Variants in CDAN1 observed in about 807,000 individuals in gnomAD.
The protein encoded by CDAN1 is codanin-1.
A neutral mutation model predicts 139.8 loss-of-function variants in CDAN1; 107 were observed. That is an observed-to-expected ratio of 0.77 (90% confidence interval 0.65 to 0.90). The LOEUF (loss-of-function observed/expected upper bound fraction) is 0.90. Ranked by LOEUF, CDAN1 falls within the 40% of genes least tolerant of loss-of-function variation. The probability of loss-of-function intolerance (pLI) is 0.00; values close to 1 mark genes in which losing one functional copy is unlikely to be tolerated. For missense variants in CDAN1, 1,667 were observed against 1,575.7 expected (o/e 1.06, Z -0.98); for synonymous variants, 776 against 660.6 (o/e 1.17, Z -2.68).
chr15:42,736,327 C>G lies in CDAN1; in HGVS notation c.544G>C (p.Gly182Arg), dbSNP rs1029820081. Residue 182 changes from glycine (G) to arginine (R), a missense_variant, in exon 2 of 28, where the codon GGC becomes CGC. Gly to Arg is a moderately radical substitution (Grantham distance 125). Around this residue, in one of 3 missense-constraint regions of CDAN1, gnomAD observed 487 missense variants for 422.2 expected, o/e 1.15. Coordinates refer to ENST00000356231, the MANE Select transcript of CDAN1 (RefSeq NM_138477.4). ...LSNLEEFPPV[G>R]SVPPGPTGTK... ...CCTGTAGGGCCGGGGGGAACCGAGC[C>G]TACGGGAGGGAACTCCTCCAGGTTG... 6.2e-7 allele frequency: 1 copy of G among 1,613,906 alleles called. No homozygotes were observed. The highest frequency in any genetic ancestry group is 1.3e-5 in the African/African-American group (1 of 75,056).
chr15:42,729,152 A>C lies in CDAN1; in HGVS notation c.2542-26T>G, dbSNP rs1184566039. 3 of 1,613,478 alleles carry C rather than the reference A, an allele frequency of 1.9e-6. No individual in the cohort carries two copies. In the Admixed American group the frequency reaches 5.0e-5, roughly 27 times the overall value. The stretch of plus-strand genomic sequence containing the variant: ...CTGGGGGGAGGAGGGAGAGGCAGCA[A>C]GGCTTCCTCCAGCCTCCCTGTCCCC... On this transcript the variant is annotated intron_variant, in intron 18 of 27. Coordinates refer to ENST00000356231, the MANE Select transcript of CDAN1 (RefSeq NM_138477.4).
In CDAN1 at chr15:42,726,361, C is replaced by A. The variant is rs28661826; in HGVS notation, c.3153G>T (p.Glu1051Asp). 6 of 1,598,204 alleles carry A rather than the reference C, an allele frequency of 3.8e-6. No individual in the cohort carries two copies. Among genetic ancestry groups the A allele is most frequent in the Non-Finnish European group, 5.1e-6 (6 of 1,172,634 alleles). ...GCTGGCCTAGGAGCTGTTCCAGATG[C>A]TCTGGGGAGACTCCCTCGTCAGGGT... ...PRDPDEGVSP[E>D]HLEQLLGQLG... The change falls in exon 24 of 28, where the codon GAG (glutamate) becomes GAT (aspartate). Residue 1051 changes from glutamate (E) to aspartate (D), a missense_variant. This residue lies in a region of CDAN1 where 936 missense variants were observed against 844.1 expected (regional missense o/e 1.11). Coordinates refer to ENST00000356231, the MANE Select transcript of CDAN1 (RefSeq NM_138477.4).
chr15:42,736,678 G>A lies in CDAN1; in HGVS notation c.193C>T (p.Leu65Phe), dbSNP rs771440744. ...NFLREQSSRV[L>F]PQGPPTPAKT... ...GCGGGGGTCGGGGGCCCCTGCGGGA[G>A]GACGCGGCTGCTCTGCTCCCTCAGG... The change falls in exon 2 of 28, where the codon CTC becomes TTC. Residue 65 changes from leucine to phenylalanine, a missense_variant. Around this residue, in one of 3 missense-constraint regions of CDAN1, gnomAD observed 487 missense variants for 422.2 expected, o/e 1.15. Coordinates refer to ENST00000356231, the MANE Select transcript of CDAN1 (RefSeq NM_138477.4). 2 of 1,546,686 alleles carry A rather than the reference G, an allele frequency of 1.3e-6. No homozygotes were observed. The highest frequency in any genetic ancestry group is 1.2e-5 in the South Asian group (1 of 83,156).
In CDAN1 at chr15:42,725,477, C is replaced by T. The variant is rs373785603; in HGVS notation, c.3450+12G>A. On this transcript the variant is annotated intron_variant, in intron 26 of 27. Coordinates refer to ENST00000356231, the MANE Select transcript of CDAN1 (RefSeq NM_138477.4). ...TGTGACTGCAGAGGGCTTCTTGTTCCGTCTGACTCACCTCCCTTGGCCTTG... is the reference window on the plus strand; with the variant it reads ...TGTGACTGCAGAGGGCTTCTTGTTCTGTCTGACTCACCTCCCTTGGCCTTG... 2.2e-5 allele frequency: 36 copies of T among 1,614,000 alleles called. No homozygotes were observed. The highest frequency in any genetic ancestry group is 8.0e-5 in the African/African-American group (6 of 74,926).
intron 6 of CDAN1, 128 bp downstream of exon 6, chr15:42,734,970 GAA>G: frequency 1.4e-6 from 1 of 731,790 alleles, no homozygotes; most frequent in Non-Finnish European, 2.5e-6. Context: ...CAAAATTAAA[GAA>G]AGATTATAGG....
In CDAN1 at chr15:42,724,474, A is replaced by T; in HGVS notation, c.*17T>A. 6.3e-7 allele frequency: 1 copy of T among 1,575,656 alleles called. No homozygotes were observed. Among genetic ancestry groups the T allele is most frequent in the South Asian group, 1.2e-5 (1 of 85,886 alleles). On this transcript the variant is annotated 3_prime_UTR_variant, in exon 28 of 28. Coordinates refer to ENST00000356231, the MANE Select transcript of CDAN1 (RefSeq NM_138477.4). ...AGGGTTCTGGTGCAATGCCCAAGGC[A>T]GGGCCACTTCTCAGCCCTAGCTCTG...
At chr15:42,729,959 A>C (rs1349238253) in intron 15 of CDAN1, 74 bp from the exon 16 acceptor site, 34 of 821,650 alleles carry the variant, frequency 4.1e-5, no homozygotes, top group Admixed American at 8.7e-5. Context: ...GCACGGTCCC[A>C]GGGTGTAGGC....
At position 42,737,053 on chromosome 15, in the gene CDAN1, G is replaced by T; in HGVS notation, c.50C>A (p.Ala17Asp). The T allele has an allele frequency of 6.5e-7, 1 of 1,546,492 alleles. No homozygotes were observed. The highest frequency in any genetic ancestry group is 1.2e-5 in the South Asian group (1 of 83,328). The change falls in exon 1 of 28, where the codon GCC becomes GAC. Residue 17 changes from alanine to aspartate, a missense_variant. Transcript: ENST00000356231. ...SLLREEVSVA[A>D]VVRWIARSTQ... ...GCTGCGCGCGATCCACCGCACGACG[G>T]CTGCGACCGACACCTCTTCTCGCAG... is the stretch of plus-strand genomic sequence containing the variant.
Position 42,730,212 on chromosome 15 carries a change from G to A in CDAN1, c.2178C>T (p.Ser726=), listed in dbSNP as rs199949000. The A allele has an allele frequency of 6.2e-7, 1 of 1,613,906 alleles. No individual in the cohort carries two copies. The highest frequency in any genetic ancestry group is 1.3e-5 in the African/African-American group (1 of 75,028). ...IFTLLLRLHR[S]LVLSQESEGK... ...CCTCACTCTCCTGCGACAACACCAA[G>A]CTCCTGAAACATCAATGGGCAGTAC... The change falls in exon 15 of 28, where the codon AGC becomes AGT. Residue 726 remains serine, a synonymous_variant. Coordinates refer to ENST00000356231, the MANE Select transcript of CDAN1 (RefSeq NM_138477.4).
Position 42,725,229 on chromosome 15 carries a change from A to G in CDAN1, c.3473T>C (p.Leu1158Pro), listed in dbSNP as rs753220153. 1 of 1,614,184 alleles carries G rather than the reference A, an allele frequency of 6.2e-7. No individual in the cohort carries two copies. The highest frequency in any genetic ancestry group is 8.5e-7 in the Non-Finnish European group (1 of 1,180,018). Residue 1158 changes from leucine (L) to proline (P), a missense_variant, in exon 27 of 28, where the codon CTA (leucine) becomes CCA (proline). Transcript: ENST00000356231. The part of the protein sequence containing the change: ...PREWDLLLFL[L>P]RELVEKGLMG... ...CAGACCCTTCTCCACCAGCTCCCGT[A>G]GCAAGAATAGCAGCAAGTCCCACTG...
At chr15:42,727,511 A>G (rs886429655) in intron 23 of CDAN1, 110 bp downstream of exon 23, 7 of 1,044,062 alleles carry the variant, frequency 6.7e-6, no homozygotes, top group Admixed American at 2.9e-5. Context: ...GCTGGACAGC[A>G]CAGACAGCTT....
At chr15:42,728,181 C>T in intron 21 of CDAN1, 23 bp downstream of exon 21, 2 of 1,611,426 alleles carry the variant, frequency 1.2e-6, no homozygotes, top group Non-Finnish European at 1.7e-6. Context: ...GGCCTGCTAG[C>T]TGCAGGCCTC....
chr15:42,731,497 G>C, intron 11 of CDAN1, 123 bp downstream of exon 11: 1 of 1,409,354 alleles, frequency 7.1e-7, no homozygotes, highest in South Asian at 1.2e-5. Context: ...AATGAAGCCA[G>C]CAAGTTGGAG....
chr15:42,735,861 C>T lies in CDAN1; in HGVS notation c.773+14G>A, dbSNP rs543228844. On this transcript the variant is annotated intron_variant, in intron 3 of 27. Coordinates refer to ENST00000356231, the MANE Select transcript of CDAN1 (RefSeq NM_138477.4). ...GCGAGGAAACCGATATCCCCAGGAG[C>T]GGCCAGGCCATACCGCTCCTTCCTG... 580 of 1,613,766 alleles carry T rather than the reference C, an allele frequency of 3.6e-4. 10 individuals carry two copies. The South Asian group carries it at 6.1e-3, about 17-fold the overall frequency.
At chr15:42,730,894 C>T in intron 13 of CDAN1, 31 bp downstream of exon 13, 1 of 1,614,100 alleles carries the variant, frequency 6.2e-7, no homozygotes, top group South Asian at 1.1e-5. Context: ...CCTCCCTGCT[C>T]CCTCCTCACC....
chr15:42,733,212 C>T (rs1390470343), intron 8 of CDAN1, 26 bp from the exon 9 acceptor site: 1 of 1,598,190 alleles, frequency 6.3e-7, no homozygotes, highest in South Asian at 1.1e-5. Flanking sequence ...GCCTGATCAG[C>T]CGAGGCACTC....
Position 42,729,049 on chromosome 15 carries a change from A to C in CDAN1, c.2619T>G (p.Ile873Met). 6.2e-7 allele frequency: 1 copy of C among 1,614,194 alleles called. No homozygotes were observed. Among genetic ancestry groups the C allele is most frequent in the East Asian group, 2.2e-5 (1 of 44,880 alleles). ...RRTVEFVAER[I>M]GSNCVKHIKA... Reference sequence around the variant, plus strand: ...TGATATGTTTGACACAGTTTGATCCAATTCTTTCTGCCACGAACTCTACGG... The same window carrying C: ...TGATATGTTTGACACAGTTTGATCCCATTCTTTCTGCCACGAACTCTACGG... Residue 873 changes from isoleucine (I) to methionine (M), a missense_variant, in exon 19 of 28, where the codon ATT (isoleucine) becomes ATG (methionine). Physicochemically the swap from Ile to Met is conservative, Grantham distance 10. Transcript: ENST00000356231.
intron 27 of CDAN1, 32 bp downstream of exon 27, chr15:42,725,112 T>C: frequency 6.5e-7 from 1 of 1,535,042 alleles, no homozygotes; most frequent in Non-Finnish European, 9.0e-7. Context: ...ACACCTGTTC[T>C]CTCTCCACCT....
At chr15:42,731,556 C>T (rs994864922) in intron 11 of CDAN1, 64 bp downstream of exon 11, 1 of 1,569,258 alleles carries the variant, frequency 6.4e-7, no homozygotes, top group African/African-American at 1.3e-5. Context: ...ACTATTTACC[C>T]TTTTGGGAAG....
Sources: allele counts gnomAD v4.1 joint callset, GRCh38; gene constraint gnomAD v4.1.1; regional missense constraint gnomAD v4.1.1; transcripts MANE v1.5; gene names NCBI Gene and HGNC (gene_info 2026-07-23, HGNC 2026-07-21).